The following GAB1 variants were observed in gnomAD, a reference collection of about 807,000 sequenced individuals.
The protein encoded by GAB1 is GRB2-associated-binding protein 1.
A neutral mutation model predicts 66.5 loss-of-function variants in GAB1; 19 were observed. The ratio of observed to expected loss-of-function variants is 0.29; its 90% CI spans 0.20 to 0.42. The LOEUF is 0.42. GAB1 is among the 10% of genes least tolerant of loss of function. GAB1 has a pLI of 1.00. For missense variants in GAB1, 732 were observed against 858.5 expected, an observed-to-expected ratio of 0.85 and a Z score of 1.84; for synonymous variants, 294 against 301.4, an observed-to-expected ratio of 0.98 and a Z score of 0.25.
At chr4:143,381,845 T>G (rs1730670165) in intron 1 of GAB1, 1 of 152,194 alleles carries the variant, frequency 6.6e-6, no homozygotes, top group South Asian at 2.1e-4. Flanking sequence ...TCTCTTCCAC[T>G]CTCCCTGCAC....
At chr4:143,411,577 G>A (rs1402702096) in intron 1 of GAB1, among the ~76,000 whole-genome samples, 2 of 152,156 alleles carry the variant, frequency 1.3e-5, no homozygotes, top group East Asian at 1.9e-4. Context: ...GGCAGTGTAC[G>A]GCTTTCTCTG....
chr4:143,364,940 C>G (rs1229529586), intron 1 of GAB1, among the ~76,000 whole-genome samples: 1 of 139,316 alleles, frequency 7.2e-6, no homozygotes, highest in African/African-American at 2.8e-5. Flanking sequence ...TGCAGTGGCG[C>G]TATCTCGGGT....
At chr4:143,440,640 G>A (rs1734179056) in intron 6 of GAB1, among the ~76,000 whole-genome samples, 1 of 152,134 alleles carries the variant, frequency 6.6e-6, no homozygotes, top group African/African-American at 2.4e-5. Context: ...CACGGGGTGA[G>A]CGGACAACTG....
At chr4:143,412,174 G>T (rs538757861) in intron 1 of GAB1, among the ~76,000 whole-genome samples, 2 of 152,170 alleles carry the variant, frequency 1.3e-5, no homozygotes. Context: ...GGAATGGATG[G>T]GGGGGAGCCA....
At chr4:143,410,543 C>T (rs1732327790) in intron 1 of GAB1, among the ~76,000 whole-genome samples, 1 of 152,174 alleles carries the variant, frequency 6.6e-6, no homozygotes, top group Non-Finnish European at 1.5e-5. Context: ...GTGTGATAAG[C>T]CTGCCTTAAG....
At chr4:143,415,843 C>A in intron 2 of GAB1, 72 bp downstream of exon 2, 1 of 1,201,642 alleles carries the variant, frequency 8.3e-7, no homozygotes, top group Non-Finnish European at 1.2e-6. Context: ...TCATACAATT[C>A]TTTGTTATTT....
intron 6 of GAB1, among the ~76,000 whole-genome samples, chr4:143,451,806 TGA>T (rs1171443163): frequency 6.6e-6 from 1 of 152,020 alleles, no homozygotes; most frequent in Non-Finnish European, 1.5e-5. Context: ...TTGGAAGTTT[TGA>T]GGCACTTGGA....
chr4:143,364,202 A>C (rs1269913481), intron 1 of GAB1, among the ~76,000 whole-genome samples: 1 of 152,180 alleles, frequency 6.6e-6, no homozygotes, highest in Non-Finnish European at 1.5e-5. Context: ...AAAAAAAAAA[A>C]AAAAGAATGA....
chr4:143,460,233 G>T, intron 7 of GAB1, 131 bp from the exon 8 acceptor site: 1 of 780,548 alleles, frequency 1.3e-6, no homozygotes, highest in Non-Finnish European at 2.1e-6. Flanking sequence ...TTATAAATGT[G>T]TACAATGAAT....
intron 1 of GAB1, among the ~76,000 whole-genome samples, chr4:143,410,416 A>G (rs538292463): frequency 6.6e-6 from 1 of 152,346 alleles, no homozygotes; most frequent in East Asian, 1.9e-4. Flanking sequence ...TGTTAGTAAT[A>G]TTACAGCCAT....
At chr4:143,415,133 T>G (rs1732611196) in intron 1 of GAB1, among the ~76,000 whole-genome samples, 2 of 152,216 alleles carry the variant, frequency 1.3e-5, no homozygotes, top group Admixed American at 1.3e-4. Context: ...TTCATTCTTT[T>G]GCGTATGGAT....
At chr4:143,373,194 A>T (rs1251185038) in intron 1 of GAB1, among the ~76,000 whole-genome samples, 1 of 152,200 alleles carries the variant, frequency 6.6e-6, no homozygotes, top group African/African-American at 2.4e-5. Flanking sequence ...TTAAAATGTC[A>T]TCTCATCGCT....
chr4:143,441,607 A>G (rs1734242448), intron 6 of GAB1, among the ~76,000 whole-genome samples: 1 of 150,736 alleles, frequency 6.6e-6, no homozygotes. Flanking sequence ...AAGCAATTCT[A>G]GGGGACTGTT....
At chr4:143,445,727 T>C (rs1578728183) in intron 6 of GAB1, among the ~76,000 whole-genome samples, 1 of 152,146 alleles carries the variant, frequency 6.6e-6, no homozygotes, top group East Asian at 1.9e-4. Flanking sequence ...TCTATTGAGA[T>C]GATCATATGT....
intron 2 of GAB1, among the ~76,000 whole-genome samples, chr4:143,423,123 G>T (rs749213518): frequency 6.6e-6 from 1 of 152,146 alleles, no homozygotes; most frequent in African/African-American, 2.4e-5. Flanking sequence ...TGCAATGTTC[G>T]AGAATATTTA....
intron 6 of GAB1, among the ~76,000 whole-genome samples, chr4:143,456,291 A>G (rs557959523): frequency 6.6e-6 from 1 of 152,238 alleles, no homozygotes; most frequent in South Asian, 2.1e-4. Flanking sequence ...CCCCACCTCT[A>G]CTAAAAATAC....
At chr4:143,361,142 CT>C (rs1729648466) in intron 1 of GAB1, among the ~76,000 whole-genome samples, 2 of 151,170 alleles carry the variant, frequency 1.3e-5, no homozygotes, top group African/African-American at 4.9e-5. Flanking sequence ...GGAGGGATTT[CT>C]TTTGCAATAC....
chr4:143,434,030 G>T, intron 3 of GAB1: 1 of 948,674 alleles, frequency 1.1e-6, no homozygotes, highest in Non-Finnish European at 1.5e-6. Flanking sequence ...TTGCTTAACA[G>T]ATTTCACTGA....
rs576056000 is a variant in GAB1, at chr4:143,418,402, C to T, written c.367+2631C>T. Among the ~76,000 whole-genome samples, 5 of 152,268 alleles carry T rather than the reference C, an allele frequency of 3.3e-5. No homozygotes were observed. The East Asian group carries it at 5.8e-4, about 18-fold the overall frequency. ...GCAGAGGGTTTCAGAGTTAAAATTA[C>T]AAATGAGGTAGCTCTTTTTAATGGT... On this transcript the variant is annotated intron_variant, in intron 2 of 9. Coordinates refer to ENST00000262994, the MANE Select transcript of GAB1 (RefSeq NM_002039.4).
Sources: gnomAD v4.1 joint callset for allele counts (sites outside exome capture counted in the v4.1 genomes callset) on GRCh38, gnomAD v4.1.1 for gene constraint, MANE v1.5 for transcripts, NCBI Gene and HGNC (gene_info 2026-07-23, HGNC 2026-07-21) for gene names.